The following CYP2C19 variants were observed in gnomAD, a reference collection of about 807,000 sequenced individuals.
CYP2C19 encodes cytochrome P450 family 2 subfamily C member 19.
CYP2C19 carries 59 observed loss-of-function variants against 40.9 expected under a neutral mutation model. The ratio of observed to expected loss-of-function variants is 1.44; its 90% CI spans 1.17 to 1.79. The LOEUF (loss-of-function observed/expected upper bound fraction) is 1.79, where lower values mean the gene tolerates loss of function less well. CYP2C19 is among the 40% of genes most tolerant of loss of function. CYP2C19 has a pLI of 0.00. For synonymous variants in CYP2C19, 253 were observed against 208.7 expected (o/e 1.21, Z -1.83); for missense variants, 754 against 596.9 (o/e 1.26, Z -2.74).
chr10:94,839,365 G>A (rs1199634678), intron 6 of CYP2C19, among the ~76,000 whole-genome samples: 4 of 151,964 alleles, frequency 2.6e-5, no homozygotes, highest in East Asian at 1.9e-4. Context: ...TATGCTTACC[G>A]ATGTAGCAGT....
At chr10:94,852,562 A>T (rs1849669688) in intron 8 of CYP2C19, among the ~76,000 whole-genome samples, 171 bp from the exon 9 acceptor site, 1 of 152,070 alleles carries the variant, frequency 6.6e-6, no homozygotes, top group East Asian at 1.9e-4. Flanking sequence ...CCTTCCACCC[A>T]TCCATCCTTT....
chr10:94,850,776 A>T (rs1849640709), intron 8 of CYP2C19, among the ~76,000 whole-genome samples: 1 of 152,178 alleles, frequency 6.6e-6, no homozygotes, highest in Non-Finnish European at 1.5e-5. Context: ...CTCTAAATAA[A>T]GGATATTAAA....
intron 1 of CYP2C19, among the ~76,000 whole-genome samples, chr10:94,765,467 A>G (rs1459399064): frequency 6.6e-6 from 1 of 152,076 alleles, no homozygotes; most frequent in Non-Finnish European, 1.5e-5. Context: ...TCATTTTCCC[A>G]TACTCCTAGA....
chr10:94,821,816 G>A (rs1459715131), intron 6 of CYP2C19, among the ~76,000 whole-genome samples: 7 of 150,588 alleles, frequency 4.6e-5, no homozygotes, highest in Non-Finnish European at 7.4e-5. Context: ...TAGATTAAAG[G>A]GTAAAAATAC....
intron 5 of CYP2C19, among the ~76,000 whole-genome samples, chr10:94,806,313 C>T (rs1848836069): frequency 6.6e-6 from 1 of 152,038 alleles, no homozygotes. Context: ...TGTTGATGGG[C>T]ACTTGGATTA....
At chr10:94,832,061 A>G (rs1405807907) in intron 6 of CYP2C19, among the ~76,000 whole-genome samples, 1 of 152,104 alleles carries the variant, frequency 6.6e-6, no homozygotes, top group Non-Finnish European at 1.5e-5. Flanking sequence ...TTTTTAATCC[A>G]TTTTGAGTTG....
intron 5 of CYP2C19, among the ~76,000 whole-genome samples, chr10:94,816,334 C>T (rs533682541): frequency 2.2e-4 from 33 of 150,200 alleles, no homozygotes; most frequent in African/African-American, 6.8e-4. Context: ...ACAAAGTAGC[C>T]GGTATAATTA....
chr10:94,847,084 T>TTTA (rs1397763739), intron 7 of CYP2C19, among the ~76,000 whole-genome samples: 19 of 149,604 alleles, frequency 1.3e-4, no homozygotes, highest in Non-Finnish European at 2.5e-4. Flanking sequence ...TTTATTTATT[T>TTTA]TTATTATTAT....
intron 7 of CYP2C19, among the ~76,000 whole-genome samples, chr10:94,848,168 G>A (rs377723852): frequency 3.9e-5 from 6 of 152,112 alleles, no homozygotes; most frequent in Middle Eastern, 3.4e-3. Context: ...TATGTCCTGA[G>A]TGGTATTGCC....
At chr10:94,850,752 G>A (rs1313145279) in intron 8 of CYP2C19, among the ~76,000 whole-genome samples, 1 of 152,158 alleles carries the variant, frequency 6.6e-6, no homozygotes, top group Non-Finnish European at 1.5e-5. Context: ...TGAGCCACAG[G>A]AGCAGGATAT....
At chr10:94,828,920 T>G (rs1849278498) in intron 6 of CYP2C19, among the ~76,000 whole-genome samples, 1 of 151,932 alleles carries the variant, frequency 6.6e-6, no homozygotes, top group Admixed American at 6.6e-5. Context: ...CCTTCACTTA[T>G]GAAGCTTAGT....
intron 7 of CYP2C19, 126 bp downstream of exon 7, chr10:94,843,150 G>A: frequency 2.5e-6 from 3 of 1,189,942 alleles, no homozygotes; most frequent in Non-Finnish European, 3.7e-6. Flanking sequence ...CAGTTTAATT[G>A]GACTTTCTGT....
intron 6 of CYP2C19, among the ~76,000 whole-genome samples, chr10:94,829,168 CTT>C (rs1162670172): frequency 6.6e-6 from 1 of 152,084 alleles, no homozygotes; most frequent in Non-Finnish European, 1.5e-5. Flanking sequence ...TGAGGAGTAT[CTT>C]TGTGGCGTTC....
chr10:94,813,262 TG>T (rs1259457532), intron 5 of CYP2C19, among the ~76,000 whole-genome samples: 2 of 152,058 alleles, frequency 1.3e-5, no homozygotes, highest in African/African-American at 4.8e-5. Context: ...GAGGGACACT[TG>T]CCAGATACCA....
At chr10:94,772,363 G>A (rs1172752042) in intron 1 of CYP2C19, among the ~76,000 whole-genome samples, 2 of 152,100 alleles carry the variant, frequency 1.3e-5, no homozygotes, top group African/African-American at 4.8e-5. Flanking sequence ...CAGAGTCCTG[G>A]AGTTTATACT....
At chr10:94,778,204 T>C (rs557973837) in intron 3 of CYP2C19, among the ~76,000 whole-genome samples, 10 of 152,278 alleles carry the variant, frequency 6.6e-5, no homozygotes, top group African/African-American at 2.4e-4. Context: ...TCAGGGAACA[T>C]CAAGAATGGA....
At chr10:94,794,676 G>C (rs993573771) in intron 5 of CYP2C19, among the ~76,000 whole-genome samples, 1 of 151,954 alleles carries the variant, frequency 6.6e-6, no homozygotes, top group African/African-American at 2.4e-5. Flanking sequence ...TTTTGTATGG[G>C]AGTTCACTCA....
In CYP2C19 at chr10:94,820,488, A is replaced by C; in HGVS notation, c.820-8A>C. ...ATTTGTCAGATAATTGCATCAAATC[A>C]TTCCTAGGAAAAGCAAAACCAACAG... On this transcript the variant is annotated splice_polypyrimidine_tract_variant and splice_region_variant and intron_variant, in intron 5 of 8. Transcript: ENST00000371321. 5.0e-6 allele frequency: 8 copies of C among 1,614,084 alleles called. No homozygotes were observed. The highest frequency in any genetic ancestry group is 6.8e-6 in the Non-Finnish European group (8 of 1,179,948).
intron 8 of CYP2C19, among the ~76,000 whole-genome samples, chr10:94,850,617 G>T (rs1218026742): frequency 6.6e-6 from 1 of 152,168 alleles, no homozygotes; most frequent in Non-Finnish European, 1.5e-5. Context: ...AAAGCTGTCT[G>T]CTTCTTGTTA....
Sources: allele counts gnomAD v4.1 joint callset (sites outside exome capture counted in the v4.1 genomes callset), GRCh38; gene constraint gnomAD v4.1.1; transcripts MANE v1.5; gene names NCBI Gene and HGNC (gene_info 2026-07-23, HGNC 2026-07-21).